TRAF3IP1: variants seen among roughly 807,000 people sequenced by gnomAD.
TRAF3IP1 encodes the protein intraflagellar transport 54, also known as TRAF3-interacting protein 1.
TRAF3IP1 carries 53 observed loss-of-function variants against 89.9 expected under a neutral mutation model. The observed-to-expected ratio is 0.59, with a 90% CI of 0.47 to 0.74. The LOEUF is 0.74. Among genes scored for constraint, TRAF3IP1 ranks in the 30% least tolerant of loss-of-function variants. The probability of loss-of-function intolerance (pLI) is 0.00; values close to 1 mark genes in which losing one functional copy is unlikely to be tolerated. For synonymous variants in TRAF3IP1, 311 were observed against 322.1 expected (o/e 0.97, Z 0.37); for missense variants, 806 against 866.1 (o/e 0.93, Z 0.87).
chr2:238,379,234 C>T lies in TRAF3IP1; in HGVS notation c.1690-18225C>T, dbSNP rs1700449024. ...ATTTAAGTCCCTGCCCACGAGTCTC[C>T]TCTTCAGAGAGGCCTTTCCTGTCCA... On this transcript the variant is annotated intron_variant, in intron 15 of 16. Transcript: ENST00000373327. This position sits in a 1 kb window ranked among gnomAD's most constrained non-coding sequence, Gnocchi z 4.0. Among the ~76,000 whole-genome samples, 1 of 152,230 alleles carries T rather than the reference C, an allele frequency of 6.6e-6. No individual in the cohort carries two copies. Among genetic ancestry groups the T allele is most frequent in the African/African-American group, 2.4e-5 (1 of 41,470 alleles).
rs548731184 is a variant in TRAF3IP1, at chr2:238,327,309, G to A, written c.354+1339G>A. On this transcript the variant is annotated intron_variant, in intron 3 of 16. Transcript: ENST00000373327. ...CTGGGCCTCTCCTCCCTCCCAGGCTGACTTAGGTGCCCCTGTAGGCTTCCT... is the reference window on the plus strand; with the variant it reads ...CTGGGCCTCTCCTCCCTCCCAGGCTAACTTAGGTGCCCCTGTAGGCTTCCT... 3.3e-5 allele frequency among the ~76,000 whole-genome samples: 5 copies of A among 152,334 alleles called. No homozygotes were observed. In the South Asian group the frequency reaches 6.2e-4, roughly 19 times the overall value.
chr2:238,396,241 A>G (rs965708921), intron 15 of TRAF3IP1, among the ~76,000 whole-genome samples: 1 of 152,066 alleles, frequency 6.6e-6, no homozygotes, highest in Admixed American at 6.6e-5. Context: ...GACATGGATG[A>G]AACTAGAAAC....
intron 15 of TRAF3IP1, among the ~76,000 whole-genome samples, chr2:238,374,565 A>G (rs555745281): frequency 6.6e-6 from 1 of 152,200 alleles, no homozygotes; most frequent in Non-Finnish European, 1.5e-5. Flanking sequence ...ATCAATGTTC[A>G]TCACGGATAT....
chr2:238,397,629 G>A lies in TRAF3IP1; in HGVS notation c.1860G>A (p.Met620Ile), dbSNP rs142814134. The A allele has an allele frequency of 4.7e-5, 76 of 1,612,492 alleles. No homozygotes were observed. In the African/African-American group the frequency reaches 9.1e-4, roughly 19 times the overall value. ...ATGCCATGCAGAATGAGCTGCAGAT[G>A]TGGCACAGCGAGAACAGGCAGCACG... ...DVDAMQNELQ[M>I]WHSENRQHAE... Residue 620 changes from methionine to isoleucine, a missense_variant, in exon 16 of 17, where the codon ATG (methionine) becomes ATA (isoleucine). Coordinates refer to ENST00000373327, the MANE Select transcript of TRAF3IP1 (RefSeq NM_015650.4).
chr2:238,353,965 G>T (rs1169169224), intron 14 of TRAF3IP1, among the ~76,000 whole-genome samples: 1 of 152,168 alleles, frequency 6.6e-6, no homozygotes, highest in Non-Finnish European at 1.5e-5. Flanking sequence ...GTAGAGACAG[G>T]TTTTCGCTAC....
chr2:238,395,727 C>T (rs1701183012), intron 15 of TRAF3IP1, among the ~76,000 whole-genome samples: 1 of 151,932 alleles, frequency 6.6e-6, no homozygotes, highest in South Asian at 2.1e-4. Flanking sequence ...AGGATATGAA[C>T]ACACACTTCT....
At position 238,320,904 on chromosome 2, in the gene TRAF3IP1, G is replaced by A. The variant is rs995510505; in HGVS notation, c.123+119G>A. The A allele has an allele frequency of 5.5e-6, 5 of 910,138 alleles. 1 individual carries two copies. In the South Asian group the frequency reaches 2.5e-4, roughly 46 times the overall value. The allele number at this position is 910,138 out of a possible 1,614,324, so 56.4% of individuals were successfully genotyped here. A position where few individuals can be genotyped will look rare whatever the true frequency, so the allele number is the denominator to read the frequency against. On this transcript the variant is annotated intron_variant, in intron 1 of 16. Transcript: ENST00000373327. ...CGGGCTCGGGCTCAGGTGCGGGTCG[G>A]GGGCCGGGGCTGGGCCGGAGTCGGG...
In TRAF3IP1 at chr2:238,320,561, G is replaced by GGGCGGC. The variant is rs1040065285; in HGVS notation, c.-90_-85dup. On this transcript the variant is annotated 5_prime_UTR_variant, in exon 1 of 17. Coordinates refer to ENST00000373327, the MANE Select transcript of TRAF3IP1 (RefSeq NM_015650.4). ...CGGAGCGGCGCGTCCTGGCAGGACC[G>GGGCGGC]GGCGGCGGCGGCGGCGGGGCCGGCG... 135 of 1,033,740 alleles carry GGGCGGC rather than the reference G, an allele frequency of 1.3e-4. No homozygotes were observed. The highest frequency in any genetic ancestry group is 1.9e-4 in the African/African-American group (11 of 58,010). 64.0% of individuals were successfully genotyped at this position (1,033,740 alleles called of 1,614,324 possible).
At chr2:238,397,361 T>G in intron 15 of TRAF3IP1, 98 bp from the exon 16 acceptor site, 1 of 1,067,464 alleles carries the variant, frequency 9.4e-7, no homozygotes, top group South Asian at 1.4e-5. Flanking sequence ...GCCTGCGCCT[T>G]TCCTCCCAGC....
chr2:238,329,201 G>A lies in TRAF3IP1; in HGVS notation c.774G>A (p.Glu258=). The change falls in exon 5 of 17, where the codon GAG becomes GAA. Residue 258 remains glutamate, a synonymous_variant. Transcript: ENST00000373327. ...ETERKSEGGK[E]KERLRDRDRE... is the part of the protein sequence containing the mutation. The stretch of plus-strand genomic sequence containing the variant: ...AGAGAAAGAGTGAGGGGGGGAAAGA[G>A]AAGGAGAGACTGAGAGACAGGGACC... 1.3e-6 allele frequency: 2 copies of A among 1,571,644 alleles called. No individual in the cohort carries two copies. Among genetic ancestry groups the A allele is most frequent in the South Asian group, 2.4e-5 (2 of 84,206 alleles).
intron 15 of TRAF3IP1, 143 bp from the exon 16 acceptor site, chr2:238,397,316 A>G: frequency 1.5e-6 from 1 of 672,940 alleles, no homozygotes; most frequent in Non-Finnish European, 2.6e-6. Flanking sequence ...CTCCCTTTGC[A>G]TGGGAGTGAG....
intron 15 of TRAF3IP1, among the ~76,000 whole-genome samples, chr2:238,367,539 C>A (rs990186872): frequency 3.3e-5 from 5 of 152,208 alleles, no homozygotes; most frequent in African/African-American, 1.2e-4. Context: ...GGGCTGGGGT[C>A]CCCTTAGCAT....
intron 8 of TRAF3IP1, among the ~76,000 whole-genome samples, chr2:238,342,461 A>C (rs953802571): frequency 2.6e-5 from 4 of 152,182 alleles, no homozygotes; most frequent in African/African-American, 7.2e-5. Context: ...AGTAAAGCTT[A>C]CATAAGAATA....
chr2:238,356,476 A>G (rs1344978), intron 15 of TRAF3IP1, among the ~76,000 whole-genome samples: 110,643 of 151,952 alleles, frequency 0.73, 40,515 homozygotes, highest in Middle Eastern at 0.79. Context: ...CAGCCTGGGC[A>G]ACGGAGTGAG....
chr2:238,328,921 C>T lies in TRAF3IP1; in HGVS notation c.499-5C>T, dbSNP rs765951562. The T allele has an allele frequency of 4.9e-5, 76 of 1,563,260 alleles. 1 individual carries two copies. The South Asian group carries it at 5.1e-4, about 11-fold the overall frequency. On this transcript the variant is annotated splice_region_variant and splice_polypyrimidine_tract_variant and intron_variant, in intron 4 of 16. Coordinates refer to ENST00000373327, the MANE Select transcript of TRAF3IP1 (RefSeq NM_015650.4). ...TTCATAAATGATTTTATTTTTATTT[C>T]GTAGGATAGAGGAGACGCTGAAATA...
intron 15 of TRAF3IP1, among the ~76,000 whole-genome samples, chr2:238,366,435 T>G (rs1699878749): frequency 6.6e-6 from 1 of 152,040 alleles, no homozygotes; most frequent in South Asian, 2.1e-4. Context: ...ATATGAGTTC[T>G]TTACCTGAAA....
At chr2:238,338,573 A>C in intron 8 of TRAF3IP1, 116 bp downstream of exon 8, 1 of 583,302 alleles carries the variant, frequency 1.7e-6, no homozygotes, top group South Asian at 3.0e-5. Context: ...TGTTCATGAG[A>C]CTTTTTCATG....
chr2:238,370,817 G>A (rs1340603077), intron 15 of TRAF3IP1, among the ~76,000 whole-genome samples: 1 of 152,220 alleles, frequency 6.6e-6, no homozygotes, highest in African/African-American at 2.4e-5. Context: ...GAGAAAGGGG[G>A]AAGTGGAAGG....
chr2:238,368,159 A>G (rs768976055), intron 15 of TRAF3IP1, among the ~76,000 whole-genome samples: 1 of 152,210 alleles, frequency 6.6e-6, no homozygotes, highest in African/African-American at 2.4e-5. Flanking sequence ...AGCTATCACT[A>G]GAGGAACAGG....
Sources: gnomAD v4.1 joint callset for allele counts (sites outside exome capture counted in the v4.1 genomes callset) on GRCh38, gnomAD v4.1.1 for gene constraint, Gnocchi (gnomAD v3.1) non-coding constraint, MANE v1.5 for transcripts, NCBI Gene and HGNC (gene_info 2026-07-23, HGNC 2026-07-21) for gene names.